FAM110B: variants seen among roughly 807,000 people sequenced by gnomAD.
FAM110B encodes family with sequence similarity 110 member B.
Under a neutral mutation model 20.4 loss-of-function variants are expected in FAM110B, and 6 were observed. The ratio of observed to expected loss-of-function variants is 0.29; its 90% CI spans 0.16 to 0.58. The LOEUF (loss-of-function observed/expected upper bound fraction) is 0.58, where lower values mean the gene tolerates loss of function less well. FAM110B is among the 20% of genes least tolerant of loss of function. FAM110B has a pLI of 0.90. For synonymous variants in FAM110B, 226 were observed against 214.1 expected (o/e 1.06, Z -0.49); for missense variants, 434 against 498.2 (o/e 0.87, Z 1.23).
At chr8:58,044,122 G>A (rs1463981958) in intron 2 of FAM110B, among the ~76,000 whole-genome samples, 2 of 152,202 alleles carry the variant, frequency 1.3e-5, no homozygotes, top group African/African-American at 4.8e-5. Context: ...CACCTCATCT[G>A]TGCTACTTGT....
chr8:58,031,187 G>A (rs1335931881), intron 1 of FAM110B: 3 of 152,156 alleles, frequency 2.0e-5, no homozygotes, highest in Admixed American at 1.3e-4. Context: ...AAATATTAAC[G>A]ATGTTTCTGG....
At chr8:58,023,344 T>C (rs1333140837) in intron 1 of FAM110B, among the ~76,000 whole-genome samples, 1 of 152,234 alleles carries the variant, frequency 6.6e-6, no homozygotes, top group Admixed American at 6.5e-5. Flanking sequence ...TTTTTTATGA[T>C]GTCAGCTAAT....
At chr8:58,069,430 C>T (rs1805841743) in intron 2 of FAM110B, among the ~76,000 whole-genome samples, 1 of 152,190 alleles carries the variant, frequency 6.6e-6, no homozygotes, top group African/African-American at 2.4e-5. Flanking sequence ...AGATCCAGAA[C>T]TGTAACCCCG....
chr8:58,123,755 CTCA>C (rs1164156397), intron 3 of FAM110B, among the ~76,000 whole-genome samples: 1 of 152,114 alleles, frequency 6.6e-6, no homozygotes, highest in Non-Finnish European at 1.5e-5. Flanking sequence ...TTTATAAATA[CTCA>C]TCGAGAAAAA....
At chr8:58,085,418 C>G (rs1316710286) in intron 3 of FAM110B, among the ~76,000 whole-genome samples, 1 of 152,160 alleles carries the variant, frequency 6.6e-6, no homozygotes, top group Non-Finnish European at 1.5e-5. Context: ...GAGGCTGAGG[C>G]AGGAGAATTG....
chr8:58,122,901 T>G (rs1031998872), intron 3 of FAM110B, among the ~76,000 whole-genome samples: 1 of 152,172 alleles, frequency 6.6e-6, no homozygotes, highest in Non-Finnish European at 1.5e-5. Context: ...GTGTGCTGTA[T>G]GAAATCACAT....
At chr8:58,079,089 T>A (rs1806117893) in intron 3 of FAM110B, among the ~76,000 whole-genome samples, 1 of 152,062 alleles carries the variant, frequency 6.6e-6, no homozygotes, top group Admixed American at 6.6e-5. Flanking sequence ...GACTTTTGCC[T>A]CTCCCCAGAT....
At chr8:58,086,939 C>T (rs912590340) in intron 3 of FAM110B, among the ~76,000 whole-genome samples, 3 of 152,192 alleles carry the variant, frequency 2.0e-5, no homozygotes, top group African/African-American at 7.2e-5. Flanking sequence ...TGCATCATCT[C>T]CCTTCATTCT....
chr8:58,140,158 C>T (rs1260495657), intron 3 of FAM110B, among the ~76,000 whole-genome samples: 2 of 152,020 alleles, frequency 1.3e-5, no homozygotes, highest in Admixed American at 1.3e-4. Context: ...AACCACTTCT[C>T]CGTAGTCAAG....
At chr8:58,076,806 G>A (rs1806048318) in intron 3 of FAM110B, among the ~76,000 whole-genome samples, 1 of 152,310 alleles carries the variant, frequency 6.6e-6, no homozygotes, top group South Asian at 2.1e-4. Flanking sequence ...CATTCTGAGT[G>A]GCCCCATGCT....
chr8:58,103,875 C>T (rs1806847010), intron 3 of FAM110B, among the ~76,000 whole-genome samples: 1 of 152,186 alleles, frequency 6.6e-6, no homozygotes, highest in South Asian at 2.1e-4. Context: ...GTTGATTACA[C>T]TCTAATCTAA....
At chr8:58,087,677 T>G (rs2150601315) in intron 3 of FAM110B, among the ~76,000 whole-genome samples, 1 of 152,340 alleles carries the variant, frequency 6.6e-6, no homozygotes, top group South Asian at 2.1e-4. Context: ...CCTGGAGTAT[T>G]AGTGGTTTCA....
At chr8:58,030,071 C>A (rs530916463) in intron 1 of FAM110B, among the ~76,000 whole-genome samples, 31 of 152,224 alleles carry the variant, frequency 2.0e-4, no homozygotes, top group East Asian at 1.4e-3. Context: ...AAATACAGAA[C>A]CTTTTGCTTT....
chr8:58,144,362 C>G (rs909939531), intron 3 of FAM110B, among the ~76,000 whole-genome samples: 6 of 152,132 alleles, frequency 3.9e-5, no homozygotes, highest in African/African-American at 1.4e-4. Flanking sequence ...AAAATGTGTT[C>G]AAAGAAACAA....
intron 2 of FAM110B, among the ~76,000 whole-genome samples, chr8:58,044,169 A>G (rs1232867716): frequency 2.0e-5 from 3 of 152,208 alleles, no homozygotes; most frequent in Non-Finnish European, 2.9e-5. Flanking sequence ...TCACACCTAG[A>G]TAACATGTGT....
At position 58,075,271 on chromosome 8, in the gene FAM110B, T is replaced by TGTGTGTGTGTGTGTGTGTG. The variant is rs1554521060; in HGVS notation, c.-413-264_-413-263insGTGTGTGTGTGTGTGTGTG. On this transcript the variant is annotated intron_variant, in intron 2 of 3. Coordinates refer to ENST00000519262, the MANE Select transcript of FAM110B (RefSeq NM_001377989.1). ...ACTGAACTAATTTTTGCTTTTTTTT[T>TGTGTGTGTGTGTGTGTGTG]TTTTTGTGTGTGTGTGTGTGTGTGT... Among the ~76,000 whole-genome samples, 1,063 of 134,666 alleles carry TGTGTGTGTGTGTGTGTGTG rather than the reference T, an allele frequency of 7.9e-3. 14 individuals are homozygous for TGTGTGTGTGTGTGTGTGTG. The highest frequency in any genetic ancestry group is 0.038 in the African/African-American group (1,019 of 26,690). The allele number at this position is 134,666 out of a possible 152,430, so 88.3% of individuals were successfully genotyped here. A position where few individuals can be genotyped will look rare whatever the true frequency, so the allele number is the denominator to read the frequency against.
chr8:58,010,878 A>G (rs1471656636), intron 1 of FAM110B, among the ~76,000 whole-genome samples: 3 of 152,234 alleles, frequency 2.0e-5, no homozygotes, highest in Admixed American at 6.5e-5. Flanking sequence ...TTCTACAGCT[A>G]CGGTGGAAAG....
intron 1 of FAM110B, among the ~76,000 whole-genome samples, chr8:58,002,022 GAGAGAGAGAGAA>G (rs1267333319): frequency 6.6e-6 from 1 of 152,108 alleles, no homozygotes; most frequent in African/African-American, 2.4e-5. Context: ...CAGCTAGAGA[GAGAGAGAGAGAA>G]AGAGAGAGAC....
At chr8:58,103,763 T>C (rs1369147632) in intron 3 of FAM110B, among the ~76,000 whole-genome samples, 1 of 152,212 alleles carries the variant, frequency 6.6e-6, no homozygotes, top group Non-Finnish European at 1.5e-5. Flanking sequence ...AACAACCATT[T>C]CTAGAAGGCC....
Sources: gnomAD v4.1 joint callset for allele counts (sites outside exome capture counted in the v4.1 genomes callset) on GRCh38, gnomAD v4.1.1 for gene constraint, MANE v1.5 for transcripts, NCBI Gene and HGNC (gene_info 2026-07-23, HGNC 2026-07-21) for gene names.